Variants in MOV10L1 observed in about 807,000 individuals in gnomAD.
The protein encoded by MOV10L1 is Mov10 like RNA helicase 1.
A neutral mutation model predicts 143.8 loss-of-function variants in MOV10L1; 110 were observed. That is an observed-to-expected ratio of 0.76 (90% CI 0.66 to 0.90). The LOEUF is 0.90. Ranked by LOEUF, MOV10L1 falls within the 40% of genes least tolerant of loss-of-function variation. The probability of loss-of-function intolerance (pLI) is 0.00; values close to 1 mark genes in which losing one functional copy is unlikely to be tolerated. For missense variants in MOV10L1, 1,406 were observed against 1,526.8 expected (o/e 0.92, Z 1.32); for synonymous variants, 593 against 581.1 (o/e 1.02, Z -0.29).
rs1448369989 is a variant in MOV10L1 at position 50,160,981 on chromosome 22, T to C, written c.3480T>C (p.Ala1160=). The change falls in exon 26 of 27, where the codon GCT becomes GCC. Residue 1160 remains alanine (A), a synonymous_variant. Transcript: ENST00000262794. The part of the protein sequence containing the change: ...HVLVRDPCFG[A]LLEYSITNGV... Reference sequence around the variant, plus strand: ...GCCAACAGGACCCCTGTTTTGGTGCTTTGCTGGAATACAGTATTACAAACG... The same window carrying C: ...GCCAACAGGACCCCTGTTTTGGTGCCTTGCTGGAATACAGTATTACAAACG... 2.5e-6 allele frequency: 4 copies of C among 1,614,036 alleles called. No homozygotes were observed. Among genetic ancestry groups the C allele is most frequent in the African/African-American group, 2.7e-5 (2 of 74,918 alleles).
At chr22:50,160,047 C>T (rs55925167) in intron 24 of MOV10L1, among the ~76,000 whole-genome samples, 13,706 of 151,948 alleles carry the variant, frequency 0.09, 702 homozygotes, top group South Asian at 0.17. Context: ...AGGAGGGACA[C>T]GAAGTTGGAA....
At chr22:50,141,965 G>C (rs113293371) in intron 15 of MOV10L1, 116 bp from the exon 16 acceptor site, 20 of 639,776 alleles carry the variant, frequency 3.1e-5, no homozygotes, top group African/African-American at 2.5e-4. Context: ...TCCATCCAAA[G>C]AGCTGTTAAA....
chr22:50,150,956 G>A (rs2063284732), intron 21 of MOV10L1, 57 bp downstream of exon 21: 1 of 1,602,948 alleles, frequency 6.2e-7, no homozygotes, highest in South Asian at 1.1e-5. Context: ...CAGGCTCCAG[G>A]GCAGTCGAGC....
Position 50,090,054 on chromosome 22 carries a change from G to GCGGAGGTGA in MOV10L1, c.-32_-31insAGGTGACGG, listed in dbSNP as rs1555970923. The stretch of plus-strand genomic sequence containing the variant: ...GCGCGGGCGCGTGCGGGCGGCGGCA[G>GCGGAGGTGA]CGGCGGTGACGGCAGCCTAGGCCGG... On this transcript the variant is annotated 5_prime_UTR_variant, in exon 1 of 27. Coordinates refer to ENST00000262794, the MANE Select transcript of MOV10L1 (RefSeq NM_018995.3). 1 of 789,018 alleles carries GCGGAGGTGA rather than the reference G, an allele frequency of 1.3e-6. No homozygotes were observed. Among genetic ancestry groups the GCGGAGGTGA allele is most frequent in the Non-Finnish European group, 1.6e-6 (1 of 628,746 alleles). 48.9% of individuals were successfully genotyped at this position (789,018 alleles called of 1,614,324 possible).
chr22:50,112,119 G>T (rs953890621), intron 5 of MOV10L1, among the ~76,000 whole-genome samples: 1 of 152,176 alleles, frequency 6.6e-6, no homozygotes, highest in South Asian at 2.1e-4. Flanking sequence ...CTTGCCCTTC[G>T]GCCCACTGGC....
At chr22:50,113,059 G>A (rs1322268319) in intron 5 of MOV10L1, among the ~76,000 whole-genome samples, 2 of 152,236 alleles carry the variant, frequency 1.3e-5, no homozygotes, top group Non-Finnish European at 2.9e-5. Context: ...GTGGCATGAG[G>A]CAGGTTTACC....
intron 3 of MOV10L1, among the ~76,000 whole-genome samples, chr22:50,107,491 T>C (rs999389281): frequency 1.3e-5 from 2 of 148,702 alleles, no homozygotes; most frequent in Admixed American, 6.7e-5. Flanking sequence ...ATTATACACT[T>C]TTTTTTTTTT....
chr22:50,095,158 AG>A (rs2062556882), intron 2 of MOV10L1: 1 of 152,236 alleles, frequency 6.6e-6, no homozygotes, highest in South Asian at 2.1e-4. Context: ...GCTCTGGCTT[AG>A]AGACTGTGAA....
intron 8 of MOV10L1, among the ~76,000 whole-genome samples, chr22:50,116,149 G>T (rs1307683757): frequency 2.0e-5 from 3 of 151,268 alleles, no homozygotes; most frequent in African/African-American, 7.3e-5. Context: ...AGCTGTGGGT[G>T]GCAAGTGCAC....
chr22:50,115,254 C>A lies in MOV10L1; in HGVS notation c.1259+8C>A, dbSNP rs2062138859. On this transcript the variant is annotated splice_region_variant and intron_variant, in intron 8 of 26. Coordinates refer to ENST00000262794, the MANE Select transcript of MOV10L1 (RefSeq NM_018995.3). The stretch of plus-strand genomic sequence containing the variant: ...GGTCATCTGTGACGGAAAGTAAGGG[C>A]CTGGAGGTCTGGGGAGAGCCGCGTT... 2 of 1,508,852 alleles carry A rather than the reference C, an allele frequency of 1.3e-6. No homozygotes were observed. Among genetic ancestry groups the A allele is most frequent in the African/African-American group, 1.5e-5 (1 of 68,444 alleles). 93.5% of individuals were successfully genotyped at this position (1,508,852 alleles called of 1,614,324 possible).
At chr22:50,114,949 T>C (rs1007018239) in intron 7 of MOV10L1, among the ~76,000 whole-genome samples, 165 bp from the exon 8 acceptor site, 1 of 152,232 alleles carries the variant, frequency 6.6e-6, no homozygotes, top group Non-Finnish European at 1.5e-5. Context: ...CCAGCTGCTC[T>C]CTCTCTTTAT....
chr22:50,160,899 C>G (rs2272842), intron 25 of MOV10L1, 65 bp from the exon 26 acceptor site: 1 of 1,612,678 alleles, frequency 6.2e-7, no homozygotes, highest in East Asian at 2.2e-5. Flanking sequence ...GTGAGACGTA[C>G]GAGGCACCAG....
At chr22:50,116,250 A>G (rs2062171971) in intron 8 of MOV10L1, among the ~76,000 whole-genome samples, 2 of 150,700 alleles carry the variant, frequency 1.3e-5, no homozygotes, top group African/African-American at 4.9e-5. Context: ...CAAAAAAGCC[A>G]TAGGTGCTAA....
rs990685415 is a variant in MOV10L1 at position 50,161,517 on chromosome 22, G to A, written c.*68G>A. On this transcript the variant is annotated 3_prime_UTR_variant, in exon 27 of 27. Coordinates refer to ENST00000262794, the MANE Select transcript of MOV10L1 (RefSeq NM_018995.3). ...CCACGTTGCCGTTACAGTCTGCTCC[G>A]TGGCTCCTGTGGCCTGCCCTTGTCT... 3.5e-5 allele frequency: 50 copies of A among 1,438,750 alleles called. No homozygotes were observed. Among genetic ancestry groups the A allele is most frequent in the East Asian group, 1.5e-4 (6 of 40,034 alleles). The allele number at this position is 1,438,750 out of a possible 1,614,324, so 89.1% of individuals were successfully genotyped here.
At chr22:50,140,648 T>A (rs932154254) in intron 15 of MOV10L1, among the ~76,000 whole-genome samples, 2 of 152,218 alleles carry the variant, frequency 1.3e-5, no homozygotes. Context: ...TCCTAGGCTG[T>A]ATATAGTCCA....
intron 15 of MOV10L1, among the ~76,000 whole-genome samples, chr22:50,141,034 C>T (rs2062969062): frequency 6.6e-6 from 1 of 151,532 alleles, no homozygotes; most frequent in Non-Finnish European, 1.5e-5. Flanking sequence ...CACAGAAAAC[C>T]AATTCTTGTG....
In MOV10L1 at chr22:50,153,164, G is replaced by A; in HGVS notation, c.3012G>A (p.Leu1004=). Residue 1004 remains leucine (L), a synonymous_variant, in exon 22 of 27, where the codon CTG becomes CTA. Transcript: ENST00000262794. The part of the protein sequence containing the change: ...CADPTVVTSL[L]GWEKLPKKGF... ...ACCCCACAGTGGTGACCTCCTTGCT[G>A]GGCTGGGAGAAGTTGCCTAAGAAAG... The A allele has an allele frequency of 1.2e-6, 2 of 1,614,060 alleles. No homozygotes were observed. The highest frequency in any genetic ancestry group is 1.7e-5 in the Admixed American group (1 of 60,022).
At chr22:50,134,657 T>C in intron 15 of MOV10L1, 27 bp downstream of exon 15, 2 of 1,598,664 alleles carry the variant, frequency 1.3e-6, no homozygotes, top group South Asian at 1.1e-5. Context: ...TGGCTTTCTC[T>C]ACACAGGGGA....
intron 10 of MOV10L1, 75 bp from the exon 11 acceptor site, chr22:50,125,317 T>G (rs1419619166): frequency 1.4e-6 from 2 of 1,460,820 alleles, no homozygotes; most frequent in African/African-American, 2.8e-5. Flanking sequence ...GTTGGAACTT[T>G]CCTGCTCCGG....
Sources: gnomAD v4.1 joint callset for allele counts (sites outside exome capture counted in the v4.1 genomes callset) on GRCh38, gnomAD v4.1.1 for gene constraint, MANE v1.5 for transcripts, NCBI Gene and HGNC (gene_info 2026-07-23, HGNC 2026-07-21) for gene names.